The following ASIC2 variants were observed in gnomAD, a reference collection of about 807,000 sequenced individuals.
ASIC2 encodes acid sensing ion channel subunit 2.
In ASIC2, 25 loss-of-function variants were observed where a neutral mutation model predicts 57.3. That is an observed-to-expected ratio of 0.44 (90% CI 0.32 to 0.61). ASIC2 has a LOEUF of 0.61. Ranked by LOEUF, ASIC2 falls within the 20% of genes least tolerant of loss-of-function variation. The pLI, the probability that ASIC2 is intolerant of heterozygous loss-of-function variation, is 0.06. For synonymous variants in ASIC2, 319 were observed against 307.5 expected, an observed-to-expected ratio of 1.04 and a Z score of -0.39; for missense variants, 641 against 738.1, an observed-to-expected ratio of 0.87 and a Z score of 1.52.
chr17:33,256,188 T>G (rs1003458038), intron 1 of ASIC2, among the ~76,000 whole-genome samples: 5 of 152,200 alleles, frequency 3.3e-5, no homozygotes, highest in African/African-American at 1.2e-4. Context: ...CCAAAGGGTC[T>G]GGCCACAGCG....
chr17:33,721,445 A>G (rs1909385128), intron 1 of ASIC2, among the ~76,000 whole-genome samples: 1 of 152,144 alleles, frequency 6.6e-6, no homozygotes, highest in African/African-American at 2.4e-5. Context: ...TCTGTTCTCC[A>G]TGTTCTCTTC....
chr17:34,125,034 C>T (rs1174297130), intron 1 of ASIC2, among the ~76,000 whole-genome samples: 2 of 150,990 alleles, frequency 1.3e-5, no homozygotes, highest in Admixed American at 1.3e-4. Flanking sequence ...TAGTGCCTTT[C>T]CTTCCCTATT....
At chr17:34,052,343 G>A (rs1908599515) in intron 1 of ASIC2, among the ~76,000 whole-genome samples, 1 of 152,182 alleles carries the variant, frequency 6.6e-6, no homozygotes, top group Non-Finnish European at 1.5e-5. Flanking sequence ...CCAAAATGCT[G>A]AGACTTTCTC....
At chr17:33,415,493 G>T (rs974592426) in intron 1 of ASIC2, among the ~76,000 whole-genome samples, 2 of 151,810 alleles carry the variant, frequency 1.3e-5, no homozygotes, top group African/African-American at 4.8e-5. Context: ...GGCATGTAGA[G>T]CCCATTGTAT....
intron 1 of ASIC2, among the ~76,000 whole-genome samples, chr17:33,885,702 T>C (rs1220472380): frequency 6.6e-6 from 1 of 152,216 alleles, no homozygotes; most frequent in Non-Finnish European, 1.5e-5. Flanking sequence ...TATTATTATG[T>C]CCAATTAAAA....
intron 1 of ASIC2, among the ~76,000 whole-genome samples, chr17:34,154,424 G>T (rs375079632): frequency 6.6e-6 from 1 of 152,074 alleles, no homozygotes; most frequent in Non-Finnish European, 1.5e-5. Context: ...CACTACTGCC[G>T]ATTTTGCTGT....
chr17:33,103,305 C>T (rs991710870), intron 2 of ASIC2, among the ~76,000 whole-genome samples: 4 of 152,118 alleles, frequency 2.6e-5, no homozygotes, highest in Middle Eastern at 3.2e-3. Context: ...TAAATATTAA[C>T]GCACTTCAAT....
intron 1 of ASIC2, among the ~76,000 whole-genome samples, chr17:33,533,072 T>C (rs7223650): frequency 0.71 from 108,036 of 151,774 alleles, 38,589 homozygotes; most frequent in African/African-American, 0.79. Context: ...TCAGGCCGAG[T>C]GCAGTGGCTC....
chr17:33,301,876 G>A (rs1905972649), intron 1 of ASIC2, among the ~76,000 whole-genome samples: 1 of 152,090 alleles, frequency 6.6e-6, no homozygotes, highest in Non-Finnish European at 1.5e-5. Flanking sequence ...AGGGAATCCT[G>A]TTACCTCTGC....
At chr17:33,507,630 G>A (rs558895456) in intron 1 of ASIC2, among the ~76,000 whole-genome samples, 4 of 151,980 alleles carry the variant, frequency 2.6e-5, no homozygotes, top group African/African-American at 9.7e-5. Context: ...ATGGCTGGGC[G>A]TGGTGGCTCA....
At chr17:33,198,210 G>A (rs1906714877) in intron 1 of ASIC2, among the ~76,000 whole-genome samples, 1 of 152,146 alleles carries the variant, frequency 6.6e-6, no homozygotes, top group African/African-American at 2.4e-5. Flanking sequence ...AAAATTAGCT[G>A]GGCATAGGGG....
At chr17:33,274,442 A>C (rs1904624669) in intron 1 of ASIC2, among the ~76,000 whole-genome samples, 1 of 152,246 alleles carries the variant, frequency 6.6e-6, no homozygotes, top group Non-Finnish European at 1.5e-5. Context: ...TGGTAAGAGG[A>C]AACTTAACTG....
chr17:33,898,120 G>A (rs1431519613), intron 1 of ASIC2, among the ~76,000 whole-genome samples: 1 of 150,896 alleles, frequency 6.6e-6, no homozygotes, highest in East Asian at 1.9e-4. Flanking sequence ...CAGGGGAGGT[G>A]CTCTGCCCAT....
chr17:33,907,015 T>C (rs1164688811), intron 1 of ASIC2, among the ~76,000 whole-genome samples: 1 of 152,146 alleles, frequency 6.6e-6, no homozygotes, highest in Non-Finnish European at 1.5e-5. Context: ...TTTTAGGTTC[T>C]ATCTAGGATG....
chr17:33,146,177 C>T (rs1048322183), intron 1 of ASIC2, among the ~76,000 whole-genome samples: 16 of 152,114 alleles, frequency 1.1e-4, no homozygotes, highest in African/African-American at 3.9e-4. Context: ...ATGACGAATC[C>T]CTGGAAGTCA....
rs185798178 is a variant in ASIC2, at chr17:33,478,981, T to C, written c.556-366914A>G. On this transcript the variant is annotated intron_variant, in intron 1 of 9. Transcript: ENST00000359872. ...TACATGGATGGGTTGCTGTTCACCATGACTTCCAGGAGTTTTATTTTATTT... is the reference window on the plus strand; with the variant it reads ...TACATGGATGGGTTGCTGTTCACCACGACTTCCAGGAGTTTTATTTTATTT... Among the ~76,000 whole-genome samples the C allele has an allele frequency of 1.6e-4, 24 of 152,292 alleles. 1 individual carries two copies. In the East Asian group the frequency reaches 3.3e-3, roughly 21 times the overall value.
At chr17:33,035,043 A>G (rs1193946483) in intron 3 of ASIC2, among the ~76,000 whole-genome samples, 1 of 151,990 alleles carries the variant, frequency 6.6e-6, no homozygotes, top group Non-Finnish European at 1.5e-5. Flanking sequence ...TATTATTTTA[A>G]TAATTTTTAT....
intron 3 of ASIC2, among the ~76,000 whole-genome samples, chr17:33,041,397 C>T (rs1311513552): frequency 6.6e-6 from 1 of 152,168 alleles, no homozygotes; most frequent in Non-Finnish European, 1.5e-5. Flanking sequence ...CTTTGCCTGT[C>T]CTAATTGCCA....
intron 1 of ASIC2, among the ~76,000 whole-genome samples, chr17:33,520,120 G>A (rs931815082): frequency 2.0e-5 from 3 of 152,190 alleles, no homozygotes; most frequent in Non-Finnish European, 4.4e-5. Context: ...CTGGCTTATT[G>A]TGGCCCCTCC....
Sources: gnomAD v4.1 joint callset for allele counts (sites outside exome capture counted in the v4.1 genomes callset) on GRCh38, gnomAD v4.1.1 for gene constraint, MANE v1.5 for transcripts, NCBI Gene and HGNC (gene_info 2026-07-23, HGNC 2026-07-21) for gene names.